The following PNPLA7 variants were observed in gnomAD, a reference collection of about 807,000 sequenced individuals.
The protein encoded by PNPLA7 is patatin like domain 7, lysophospholipase, also known as patatin-like phospholipase domain-containing protein 7.
In PNPLA7, 153 loss-of-function variants were observed where a neutral mutation model predicts 161.7. That is an observed-to-expected ratio of 0.95 (90% confidence interval 0.83 to 1.08). PNPLA7 has a LOEUF of 1.08. Ranked by LOEUF, PNPLA7 falls within the 50% of genes least tolerant of loss-of-function variation. The pLI is 0.00. For synonymous variants in PNPLA7, 809 were observed against 782.1 expected, an observed-to-expected ratio of 1.03 and a Z score of -0.57; for missense variants, 1,739 against 1,856.6, an observed-to-expected ratio of 0.94 and a Z score of 1.16.
At chr9:137,516,454 C>A (rs555972345) in intron 11 of PNPLA7, 1 of 985,242 alleles carries the variant, frequency 1.0e-6, no homozygotes, top group African/African-American at 1.7e-5. Flanking sequence ...GCTGCCCCAT[C>A]AAGTCACATG....
At position 137,522,784 on chromosome 9, in the gene PNPLA7, G is replaced by A. The variant is rs371090285; in HGVS notation, c.821C>T (p.Ala274Val). The change falls in exon 9 of 35, where the codon GCG becomes GTG. Residue 274 changes from alanine (A) to valine (V), a missense_variant. Transcript: ENST00000406427. ...IPSTILRLPAAAFHGVFEKYP... is the reference protein window; with the variant it reads ...IPSTILRLPAVAFHGVFEKYP... ...TTTCTCAAAAACTCCATGAAAAGCC[G>A]CAGCTGGAAGCCGGAGGATGGTGGA... 30 of 1,613,710 alleles carry A rather than the reference G, an allele frequency of 1.9e-5. No homozygotes were observed. The highest frequency in any genetic ancestry group is 5.3e-5 in the African/African-American group (4 of 74,928).
In PNPLA7 at chr9:137,506,040, G is replaced by C; in HGVS notation, c.1269C>G (p.Asp423Glu). The change falls in exon 13 of 35, where the codon GAC (aspartate) becomes GAG (glutamate). Residue 423 changes from aspartate (D) to glutamate (E), a missense_variant. This residue lies in a region of PNPLA7 where 481 missense variants were observed against 450.0 expected (regional missense o/e 1.07). Coordinates refer to ENST00000406427, the MANE Select transcript of PNPLA7 (RefSeq NM_001098537.3). ...CCGAGTGCAGGAAGACCCTGGCACG[G>C]TCACATGCCATCCCCAGATCAGAAG... is the stretch of plus-strand genomic sequence containing the variant. Reference protein sequence around the residue: ...SATSDLGMACDRARVFLHSDE... With the variant: ...SATSDLGMACERARVFLHSDE... The C allele has an allele frequency of 6.2e-7, 1 of 1,613,116 alleles. No individual in the cohort carries two copies. The highest frequency in any genetic ancestry group is 8.5e-7 in the Non-Finnish European group (1 of 1,179,812).
chr9:137,520,324 A>C lies in PNPLA7; in HGVS notation c.958-281T>G, dbSNP rs1834921151. Among the ~76,000 whole-genome samples, 1 of 152,138 alleles carries C rather than the reference A, an allele frequency of 6.6e-6. No homozygotes were observed. The highest frequency in any genetic ancestry group is 1.5e-5 in the Non-Finnish European group (1 of 68,018). ...AGAAATCCAGTTATTCAAGAAAAGGACTGGTCTGTTTAAGGCAACCAAGCT... is the reference window on the plus strand; with the variant it reads ...AGAAATCCAGTTATTCAAGAAAAGGCCTGGTCTGTTTAAGGCAACCAAGCT... On this transcript the variant is annotated intron_variant, in intron 10 of 34. Coordinates refer to ENST00000406427, the MANE Select transcript of PNPLA7 (RefSeq NM_001098537.3). This position sits in a 1 kb window ranked among gnomAD's most constrained non-coding sequence, Gnocchi z 5.2.
rs1836312086 is a variant in PNPLA7 at position 137,543,303 on chromosome 9, C to T, written c.506+129G>A. 1.7e-6 allele frequency: 2 copies of T among 1,198,738 alleles called. No homozygotes were observed. The highest frequency in any genetic ancestry group is 2.4e-6 in the Non-Finnish European group (2 of 834,992). The allele number at this position is 1,198,738 out of a possible 1,614,324, so 74.3% of individuals were successfully genotyped here. Reference sequence around the variant, plus strand: ...AGGCCCCGCCACGGGGCACAGACACCAGCAGCCCCACGATGCGCTTTGCCA... The same window carrying T: ...AGGCCCCGCCACGGGGCACAGACACTAGCAGCCCCACGATGCGCTTTGCCA... On this transcript the variant is annotated intron_variant, in intron 6 of 34. Transcript: ENST00000406427. The surrounding 1 kb of genome is among the most constrained non-coding windows in gnomAD (Gnocchi z 6.9).
Position 137,460,375 on chromosome 9 carries a change from G to A in PNPLA7, c.*18C>T, listed in dbSNP as rs901525706. The A allele has an allele frequency of 2.9e-5, 47 of 1,607,170 alleles. No homozygotes were observed. Among genetic ancestry groups the A allele is most frequent in the Non-Finnish European group, 3.7e-5 (44 of 1,175,874 alleles). On this transcript the variant is annotated 3_prime_UTR_variant, in exon 35 of 35. Coordinates refer to ENST00000406427, the MANE Select transcript of PNPLA7 (RefSeq NM_001098537.3). The stretch of plus-strand genomic sequence containing the variant: ...GTCCCACGGAAGACGCTGCATCCGG[G>A]CTCTTTAGCAGAGGCCTCTACCCGT...
chr9:137,462,522 C>T (rs1831265827), intron 30 of PNPLA7, 163 bp downstream of exon 30: 2 of 1,385,894 alleles, frequency 1.4e-6, no homozygotes, highest in Admixed American at 5.4e-5. Context: ...CGGCCTCGTG[C>T]CTTCCTTCGC....
Position 137,506,087 on chromosome 9 carries a change from C to T in PNPLA7, c.1226-4G>A. On this transcript the variant is annotated splice_region_variant and splice_polypyrimidine_tract_variant and intron_variant, in intron 12 of 34. Transcript: ENST00000406427. Reference sequence around the variant, plus strand: ...GAAGTGGCACTGCCTGGGCCCCCTACACACAGAGGGGACACTCAGGACACG... The same window carrying T: ...GAAGTGGCACTGCCTGGGCCCCCTATACACAGAGGGGACACTCAGGACACG... 1 of 1,609,354 alleles carries T rather than the reference C, an allele frequency of 6.2e-7. No homozygotes were observed.
chr9:137,509,645 T>C (rs1351773355), intron 12 of PNPLA7: 5 of 422,862 alleles, frequency 1.2e-5, no homozygotes, highest in African/African-American at 2.0e-5. Context: ...TGAATGAGTT[T>C]AGCTGGCATG....
At chr9:137,521,833 G>T (rs933160752) in intron 9 of PNPLA7, 117 bp from the exon 10 acceptor site, 2 of 786,118 alleles carry the variant, frequency 2.5e-6, no homozygotes, top group Admixed American at 3.1e-5. Flanking sequence ...GCCACAGACC[G>T]AACCCTCTCA....
In PNPLA7 at chr9:137,481,019, C is replaced by T. The variant is rs765264336; in HGVS notation, c.2352G>A (p.Pro784=). Residue 784 remains proline, a synonymous_variant, in exon 22 of 35, where the codon CCG becomes CCA. Transcript: ENST00000406427. ...TGTTGTCACTAGTCAGCAGCAGGGTCGGGCCTGAAAACACCACCACCAGTA... is the reference window on the plus strand; with the variant it reads ...TGTTGTCACTAGTCAGCAGCAGGGTTGGGCCTGAAAACACCACCACCAGTA... ...ELEHALSAIG[P]TLLLTSDNIK... is the part of the protein sequence containing the mutation. 20 of 1,551,496 alleles carry T rather than the reference C, an allele frequency of 1.3e-5. No individual in the cohort carries two copies. The East Asian group carries it at 1.5e-4, about 11-fold the overall frequency.
At chr9:137,502,551 G>A (rs577523864) in intron 14 of PNPLA7, among the ~76,000 whole-genome samples, 4 of 145,722 alleles carry the variant, frequency 2.7e-5, no homozygotes, top group East Asian at 2.2e-4. Flanking sequence ...GAGGACGGCC[G>A]CTGACGGAGA....
intron 23 of PNPLA7, chr9:137,479,888 A>G (rs1832126392): frequency 5.1e-6 from 5 of 985,254 alleles, no homozygotes; most frequent in Non-Finnish European, 6.0e-6. Flanking sequence ...GCAGAGGCAG[A>G]GGGTAAGGCA....
At position 137,500,969 on chromosome 9, in the gene PNPLA7, C is replaced by T. The variant is rs1228984675; in HGVS notation, c.1552-73G>A. The T allele has an allele frequency of 3.6e-5, 50 of 1,374,878 alleles. No homozygotes were observed. The highest frequency in any genetic ancestry group is 7.2e-5 in the African/African-American group (5 of 69,540). 85.2% of individuals were successfully genotyped at this position (1,374,878 alleles called of 1,614,324 possible). On this transcript the variant is annotated intron_variant, in intron 15 of 34. Coordinates refer to ENST00000406427, the MANE Select transcript of PNPLA7 (RefSeq NM_001098537.3). This position sits in a 1 kb window ranked among gnomAD's most constrained non-coding sequence, Gnocchi z 5.5. ...GACGGGGGCAGCTCTGGGCCCAGAG[C>T]GGACGATGCCACCAGGCTCAGCCGG...
Position 137,460,098 on chromosome 9 carries a change from G to T in PNPLA7, c.*295C>A. 3.0e-6 allele frequency: 1 copy of T among 330,064 alleles called. No homozygotes were observed. The highest frequency in any genetic ancestry group is 5.8e-6 in the Non-Finnish European group (1 of 171,130). 20.4% of individuals were successfully genotyped at this position (330,064 alleles called of 1,614,324 possible). A position where few individuals can be genotyped will look rare whatever the true frequency, so the allele number is the denominator to read the frequency against. On this transcript the variant is annotated 3_prime_UTR_variant, in exon 35 of 35. Coordinates refer to ENST00000406427, the MANE Select transcript of PNPLA7 (RefSeq NM_001098537.3). ...GGCAGCAGGTGGTTCACAGGGCTTCGGGGGGCCTCACAGGGCTTCGGGGGG... is the reference window on the plus strand; with the variant it reads ...GGCAGCAGGTGGTTCACAGGGCTTCTGGGGGCCTCACAGGGCTTCGGGGGG...
intron 14 of PNPLA7, among the ~76,000 whole-genome samples, chr9:137,502,931 A>AG (rs551088989): frequency 4.2e-4 from 64 of 151,784 alleles, no homozygotes; most frequent in African/African-American, 8.2e-4. Flanking sequence ...ATTTGCTTCA[A>AG]GGGGGGGCAC....
intron 21 of PNPLA7, among the ~76,000 whole-genome samples, chr9:137,481,735 T>A (rs1311567160): frequency 2.0e-5 from 3 of 152,088 alleles, no homozygotes; most frequent in Non-Finnish European, 2.9e-5. Context: ...GGCCAAGGGA[T>A]CACGAGGTCA....
chr9:137,535,732 G>A (rs559139606), intron 8 of PNPLA7, among the ~76,000 whole-genome samples: 2 of 143,620 alleles, frequency 1.4e-5, no homozygotes, highest in African/African-American at 2.6e-5. Context: ...CAGCCTGGGT[G>A]ACAGGGCAAG....
chr9:137,509,632 G>A (rs1588640902), intron 12 of PNPLA7: 1 of 412,492 alleles, frequency 2.4e-6, no homozygotes, highest in Non-Finnish European at 5.1e-6. Flanking sequence ...AGTTTAACTG[G>A]CGTGAATGAG....
Position 137,501,669 on chromosome 9 carries a change from A to G in PNPLA7, c.1532T>C (p.Val511Ala), listed in dbSNP as rs116928397. The change falls in exon 15 of 35, where the codon GTG becomes GCG. Residue 511 changes from valine to alanine, a missense_variant. Val to Ala is a moderately conservative substitution (Grantham distance 64, BLOSUM62 0). Transcript: ENST00000406427. ...ALLHVPAGTV[V>A]SRQGDQDASI... ...GCTCACCTGGTCTCCCTGCCTTGAC[A>G]CCACCGTGCCTGCAGGAACGTGCAG... is the stretch of plus-strand genomic sequence containing the variant. The G allele has an allele frequency of 3.0e-3, 4,882 of 1,612,128 alleles. 86 individuals are homozygous for G. In the East Asian group the frequency reaches 0.047, roughly 15 times the overall value.
Sources: allele counts gnomAD v4.1 joint callset (sites outside exome capture counted in the v4.1 genomes callset), GRCh38; gene constraint gnomAD v4.1.1; regional missense constraint gnomAD v4.1.1; non-coding constraint Gnocchi (gnomAD v3.1); transcripts MANE v1.5; gene names NCBI Gene and HGNC (gene_info 2026-07-23, HGNC 2026-07-21).